The following SLC12A1 variants were observed in gnomAD, a reference collection of about 807,000 sequenced individuals.
SLC12A1 encodes solute carrier family 12 member 1.
Under a neutral mutation model 130.4 loss-of-function variants are expected in SLC12A1, and 89 were observed. That is an observed-to-expected ratio of 0.68 (90% CI 0.58 to 0.81). The LOEUF is 0.81. SLC12A1 is among the 40% of genes least tolerant of loss of function. SLC12A1 has a pLI of 0.00. For synonymous variants in SLC12A1, 499 were observed against 460.0 expected (o/e 1.08, Z -1.09); for missense variants, 1,310 against 1,336.4 (o/e 0.98, Z 0.31).
In SLC12A1 at chr15:48,253,356, A is replaced by C. The variant is rs117133737; in HGVS notation, c.1942+1586A>C. ...CCTGTGTAGTCAATCTCCACCCTCC[A>C]ACTTAGCCTCAGGCAGCTGCTTTTC... On this transcript the variant is annotated intron_variant, in intron 15 of 26. Coordinates refer to ENST00000380993, the MANE Select transcript of SLC12A1 (RefSeq NM_000338.3). Among the ~76,000 whole-genome samples, 1,448 of 152,310 alleles carry C rather than the reference A, an allele frequency of 9.5e-3. 69 individuals carry two copies. The highest frequency in any genetic ancestry group is 0.069 in the Admixed American group (1,050 of 15,304).
intron 21 of SLC12A1, among the ~76,000 whole-genome samples, chr15:48,287,478 T>G (rs982316134): frequency 6.6e-6 from 1 of 152,122 alleles, no homozygotes; most frequent in African/African-American, 2.4e-5. Context: ...ACTAAGAGAC[T>G]AAATAGTCAT....
intron 2 of SLC12A1, among the ~76,000 whole-genome samples, chr15:48,212,131 T>C (rs906982114): frequency 6.6e-6 from 1 of 152,160 alleles, no homozygotes; most frequent in Non-Finnish European, 1.5e-5. Flanking sequence ...CAATAAATGA[T>C]CGATGATGAT....
At chr15:48,301,502 T>TTTTTGGGGGGG in intron 26 of SLC12A1, 120 bp downstream of exon 26, 1 of 429,450 alleles carries the variant, frequency 2.3e-6, no homozygotes, top group South Asian at 3.6e-5. Context: ...GTGTTTTTTT[T>TTTTTGGGGGGG]GGGGGGGGGA....
chr15:48,226,626 AT>A, intron 5 of SLC12A1, 55 bp downstream of exon 5: 2 of 1,020,230 alleles, frequency 2.0e-6, no homozygotes, highest in South Asian at 1.4e-5. Flanking sequence ...TAGGCGAACA[AT>A]TTTTTATACT....
rs547482889 is a variant in SLC12A1, at chr15:48,302,354, C to A, written c.3165-396C>A. On this transcript the variant is annotated intron_variant, in intron 26 of 26. Transcript: ENST00000380993. ...TAAGGCTGCCGGCCGGGCGCGGTGGCTCACGCCTGCAATCCCAGCACTTTG... is the reference window on the plus strand; with the variant it reads ...TAAGGCTGCCGGCCGGGCGCGGTGGATCACGCCTGCAATCCCAGCACTTTG... 8.5e-5 allele frequency among the ~76,000 whole-genome samples: 13 copies of A among 152,214 alleles called. No homozygotes were observed. In the East Asian group the frequency reaches 2.5e-3, roughly 29 times the overall value.
chr15:48,297,719 G>C (rs2042192280), intron 24 of SLC12A1, among the ~76,000 whole-genome samples: 1 of 152,144 alleles, frequency 6.6e-6, no homozygotes, highest in Non-Finnish European at 1.5e-5. Context: ...TCAGAGCACT[G>C]TCACCCAAAT....
intron 24 of SLC12A1, among the ~76,000 whole-genome samples, chr15:48,293,672 C>A (rs2141121709): frequency 6.6e-6 from 1 of 152,264 alleles, no homozygotes; most frequent in South Asian, 2.1e-4. Flanking sequence ...TCCTACTGAT[C>A]AAACAAACTT....
intron 17 of SLC12A1, among the ~76,000 whole-genome samples, chr15:48,260,028 G>A (rs1418687924): frequency 6.6e-6 from 1 of 152,096 alleles, no homozygotes; most frequent in Non-Finnish European, 1.5e-5. Flanking sequence ...AGCGCTTTGG[G>A]AGGCCAAGGT....
intron 22 of SLC12A1, 68 bp downstream of exon 22, chr15:48,288,242 A>G (rs771486692): frequency 5.2e-5 from 76 of 1,467,682 alleles, no homozygotes; most frequent in Non-Finnish European, 6.7e-5. Context: ...CTGCATGAGA[A>G]GGTATATGGG....
At chr15:48,295,658 A>AT (rs1352345525) in intron 24 of SLC12A1, among the ~76,000 whole-genome samples, 6 of 152,052 alleles carry the variant, frequency 3.9e-5, no homozygotes, top group African/African-American at 7.2e-5. Context: ...AATTTTGGAG[A>AT]TTTTCTCTCT....
At chr15:48,298,942 G>A (rs2042204647) in intron 24 of SLC12A1, among the ~76,000 whole-genome samples, 198 bp from the exon 25 acceptor site, 1 of 152,182 alleles carries the variant, frequency 6.6e-6, no homozygotes, top group Non-Finnish European at 1.5e-5. Flanking sequence ...AACACTCTAA[G>A]GCCTTTTCTG....
Position 48,234,862 on chromosome 15 carries a change from T to C in SLC12A1, c.1088-15T>C, listed in dbSNP as rs112239390. 6.5e-5 allele frequency: 105 copies of C among 1,613,060 alleles called. No homozygotes were observed. The African/African-American group carries it at 1.3e-3, about 20-fold the overall frequency. On this transcript the variant is annotated splice_polypyrimidine_tract_variant and intron_variant, in intron 8 of 26. Transcript: ENST00000380993. Reference sequence around the variant, plus strand: ...AAATGTCTACATCATAATTTTCTTATAATTTATGTTGCAGCATCAATATTT... The same window carrying C: ...AAATGTCTACATCATAATTTTCTTACAATTTATGTTGCAGCATCAATATTT...
chr15:48,266,334 C>G (rs10163162), intron 17 of SLC12A1, among the ~76,000 whole-genome samples: 52,945 of 151,896 alleles, frequency 0.35, 12,487 homozygotes, highest in African/African-American at 0.66. Context: ...CAACCTTGCA[C>G]GAGCAAGAGT....
At chr15:48,246,688 C>A (rs571805072) in intron 11 of SLC12A1, among the ~76,000 whole-genome samples, 1 of 152,168 alleles carries the variant, frequency 6.6e-6, no homozygotes, top group South Asian at 2.1e-4. Context: ...GGCTAAGGTA[C>A]AAGAATCGCT....
rs74829700 is a variant in SLC12A1 at position 48,298,714 on chromosome 15, T to G, written c.2961-426T>G. ...TAGCCATATCCATTTCCTACATTAA[T>G]TGATAAATGTCTCCCATAGAGTCTG... On this transcript the variant is annotated intron_variant, in intron 24 of 26. Coordinates refer to ENST00000380993, the MANE Select transcript of SLC12A1 (RefSeq NM_000338.3). 1.3e-3 allele frequency among the ~76,000 whole-genome samples: 201 copies of G among 152,324 alleles called. 5 individuals carry two copies. In the East Asian group the frequency reaches 0.032, roughly 24 times the overall value.
At chr15:48,261,534 G>T (rs2041775010) in intron 17 of SLC12A1, among the ~76,000 whole-genome samples, 1 of 152,188 alleles carries the variant, frequency 6.6e-6, no homozygotes, top group Non-Finnish European at 1.5e-5. Context: ...ATCAGTTAAT[G>T]ACTTTCCAGT....
intron 20 of SLC12A1, among the ~76,000 whole-genome samples, chr15:48,277,949 A>C (rs1210268533): frequency 6.6e-6 from 1 of 152,170 alleles, no homozygotes; most frequent in Non-Finnish European, 1.5e-5. Flanking sequence ...CAGCGAGGAG[A>C]GTGCATCCTA....
At chr15:48,276,212 T>G (rs1010844934) in intron 20 of SLC12A1, among the ~76,000 whole-genome samples, 3 of 152,132 alleles carry the variant, frequency 2.0e-5, no homozygotes, top group Non-Finnish European at 4.4e-5. Context: ...GATGCCTGGC[T>G]CAATTTCAAA....
At chr15:48,279,450 T>C (rs1463086703) in intron 20 of SLC12A1, among the ~76,000 whole-genome samples, 1 of 152,198 alleles carries the variant, frequency 6.6e-6, no homozygotes, top group Non-Finnish European at 1.5e-5. Flanking sequence ...TATAGATAAT[T>C]TACCAGCTAA....
Sources: allele counts gnomAD v4.1 joint callset (sites outside exome capture counted in the v4.1 genomes callset), GRCh38; gene constraint gnomAD v4.1.1; transcripts MANE v1.5; gene names NCBI Gene and HGNC (gene_info 2026-07-23, HGNC 2026-07-21).